The following TLN2 variants were observed in gnomAD, a reference collection of about 807,000 sequenced individuals.
TLN2 encodes the protein talin-2.
In TLN2, 118 loss-of-function variants were observed where a neutral mutation model predicts 294.7. That is an observed-to-expected ratio of 0.40 (90% CI 0.34 to 0.47). The LOEUF is 0.47. TLN2 is among the 20% of genes least tolerant of loss of function. The pLI is 0.84. For synonymous variants in TLN2, 1,431 were observed against 1,304.5 expected, an observed-to-expected ratio of 1.10 and a Z score of -2.09; for missense variants, 3,083 against 3,282.2, an observed-to-expected ratio of 0.94 and a Z score of 1.48.
At chr15:62,455,909 G>T (rs1239458758) in intron 1 of TLN2, among the ~76,000 whole-genome samples, 1 of 152,194 alleles carries the variant, frequency 6.6e-6, no homozygotes, top group Non-Finnish European at 1.5e-5. Flanking sequence ...TTGGCCAGGT[G>T]CAGGGCGTCT....
intron 57 of TLN2, among the ~76,000 whole-genome samples, chr15:62,838,356 G>A (rs1108679): frequency 0.1 from 15,489 of 152,258 alleles, 840 homozygotes; most frequent in South Asian, 0.17. Context: ...AGCCACAAGC[G>A]TGGTAAAGGC....
intron 3 of TLN2, among the ~76,000 whole-genome samples, chr15:62,641,576 TTGCGCCAC>T (rs925347292): frequency 2.6e-5 from 4 of 152,046 alleles, no homozygotes; most frequent in African/African-American, 9.7e-5. Context: ...TGACCCGAGA[TTGCGCCAC>T]TGCATTCTTG....
chr15:62,644,631 C>T (rs11852582), intron 3 of TLN2: 377,250 of 455,920 alleles, frequency 0.83, 161,011 homozygotes, highest in Admixed American at 0.9. Flanking sequence ...CTCTCCTGTG[C>T]ACCTTGCGGA....
chr15:62,778,703 G>A (rs1567586782), intron 43 of TLN2, among the ~76,000 whole-genome samples: 1 of 152,232 alleles, frequency 6.6e-6, no homozygotes, highest in Non-Finnish European at 1.5e-5. Flanking sequence ...GGATGGGCTG[G>A]AAATAAGTCA....
intron 9 of TLN2, among the ~76,000 whole-genome samples, chr15:62,667,811 AT>A (rs1160375794): frequency 2.6e-5 from 4 of 152,190 alleles, no homozygotes; most frequent in African/African-American, 7.2e-5. Flanking sequence ...GGCAGCTTAA[AT>A]TTTACATAAG....
chr15:62,441,326 GGC>G (rs1468893674), intron 1 of TLN2, among the ~76,000 whole-genome samples: 1 of 152,294 alleles, frequency 6.6e-6, no homozygotes, highest in East Asian at 1.9e-4. Context: ...CGAACTCCTG[GGC>G]TCACGTGATG....
chr15:62,602,268 A>G (rs1321119781), intron 2 of TLN2, among the ~76,000 whole-genome samples: 1 of 152,208 alleles, frequency 6.6e-6, no homozygotes, highest in East Asian at 1.9e-4. Flanking sequence ...CCAAAAATCC[A>G]GTTCTCAGTG....
chr15:62,501,842 C>T (rs755002101), intron 1 of TLN2, among the ~76,000 whole-genome samples: 7 of 152,036 alleles, frequency 4.6e-5, no homozygotes, highest in Non-Finnish European at 1.0e-4. Context: ...TCATGTAAGC[C>T]TTATGCCTGA....
intron 1 of TLN2, among the ~76,000 whole-genome samples, chr15:62,509,232 C>A (rs2039800642): frequency 6.6e-6 from 1 of 152,072 alleles, no homozygotes; most frequent in Admixed American, 6.5e-5. Context: ...GGACTAGCTA[C>A]TTCATAAAAA....
chr15:62,760,252 T>G (rs2062579457), intron 37 of TLN2, among the ~76,000 whole-genome samples: 1 of 152,160 alleles, frequency 6.6e-6, no homozygotes, highest in African/African-American at 2.4e-5. Flanking sequence ...TTGCGGGAAT[T>G]CCTCTGAAAA....
chr15:62,591,240 A>G (rs575257027), intron 2 of TLN2, among the ~76,000 whole-genome samples: 6 of 152,292 alleles, frequency 3.9e-5, no homozygotes, highest in Middle Eastern at 3.4e-3. Flanking sequence ...TTTATTTCCT[A>G]TGTCTTCCTC....
In TLN2 at chr15:62,763,709, C is replaced by G. The variant is rs375699489; in HGVS notation, c.5094+14C>G. 1.6e-4 allele frequency: 257 copies of G among 1,593,458 alleles called. 1 individual carries two copies. Among genetic ancestry groups the G allele is most frequent in the South Asian group, 3.4e-4 (30 of 88,968 alleles). ...ATCTCTGTGGAGGTAAGCTGGGAAT[C>G]TGGGGGCCTGCTTAGTCGCCTCTAG... On this transcript the variant is annotated intron_variant, in intron 40 of 58. Coordinates refer to ENST00000636159, the MANE Select transcript of TLN2 (RefSeq NM_015059.3).
chr15:62,776,856 T>C lies in TLN2; in HGVS notation c.5460T>C (p.Ser1820=), dbSNP rs751555404. The change falls in exon 43 of 59, where the codon AGT becomes AGC. Residue 1820 remains serine (S), a synonymous_variant. Coordinates refer to ENST00000636159, the MANE Select transcript of TLN2 (RefSeq NM_015059.3). ...TGGTGACGCTGAACGAAGCTGCCAG[T>C]GAAGTGGGGCTGGTTGGGGGCATGG... ...DIMVTLNEAA[S]EVGLVGGMVD... 1.1e-5 allele frequency: 17 copies of C among 1,600,830 alleles called. No individual in the cohort carries two copies. Among genetic ancestry groups the C allele is most frequent in the Middle Eastern group, 1.7e-4 (1 of 6,036 alleles).
intron 1 of TLN2, among the ~76,000 whole-genome samples, chr15:62,452,220 A>C (rs618475): frequency 0.86 from 130,073 of 152,098 alleles, 55,878 homozygotes; most frequent in East Asian, 1. Context: ...AGGAGCCAGG[A>C]GGGCTTGCGA....
At chr15:62,596,594 C>T (rs929668589) in intron 2 of TLN2, among the ~76,000 whole-genome samples, 1 of 151,966 alleles carries the variant, frequency 6.6e-6, no homozygotes, top group East Asian at 1.9e-4. Flanking sequence ...CAAAACTAGC[C>T]AGGCATGATG....
chr15:62,554,629 CT>C (rs2042508426), intron 1 of TLN2, among the ~76,000 whole-genome samples: 1 of 152,072 alleles, frequency 6.6e-6, no homozygotes, highest in East Asian at 1.9e-4. Context: ...AAAAAATACA[CT>C]TTTACCAAGG....
At chr15:62,785,750 G>A (rs1456206361) in intron 45 of TLN2, among the ~76,000 whole-genome samples, 1 of 151,970 alleles carries the variant, frequency 6.6e-6, no homozygotes, top group African/African-American at 2.4e-5. Context: ...TCTGCCTTAG[G>A]TAGTTTAACT....
chr15:62,493,049 G>A (rs1258212897), intron 1 of TLN2, among the ~76,000 whole-genome samples: 1 of 152,174 alleles, frequency 6.6e-6, no homozygotes, highest in Non-Finnish European at 1.5e-5. Flanking sequence ...TTGCATTTGT[G>A]TTCCCTCTGG....
chr15:62,619,525 C>T (rs912632696), intron 3 of TLN2, among the ~76,000 whole-genome samples: 2 of 152,214 alleles, frequency 1.3e-5, no homozygotes, highest in South Asian at 2.1e-4. Context: ...CACCTGCCCC[C>T]CTGCCAAAAT....
Sources: allele counts gnomAD v4.1 joint callset (sites outside exome capture counted in the v4.1 genomes callset), GRCh38; gene constraint gnomAD v4.1.1; transcripts MANE v1.5; gene names NCBI Gene and HGNC (gene_info 2026-07-23, HGNC 2026-07-21).